CNTN5: variants seen among roughly 807,000 people sequenced by gnomAD.
The protein encoded by CNTN5 is contactin-5.
CNTN5 carries 77 observed loss-of-function variants against 129.1 expected under a neutral mutation model. That is an observed-to-expected ratio of 0.60 (90% CI 0.50 to 0.72). CNTN5 has a LOEUF of 0.72. Ranked by LOEUF, CNTN5 falls within the 30% of genes least tolerant of loss-of-function variation. CNTN5 has a pLI of 0.00. For synonymous variants in CNTN5, 509 were observed against 465.6 expected (o/e 1.09, Z -1.20); for missense variants, 1,478 against 1,328.8 (o/e 1.11, Z -1.75).
In CNTN5 at chr11:100,356,545, C is replaced by T. The variant is rs1010777864; in HGVS notation, c.*325C>T. The T allele has an allele frequency of 7.4e-6, 2 of 269,044 alleles. No homozygotes were observed. Among genetic ancestry groups the T allele is most frequent in the African/African-American group, 4.5e-5 (2 of 44,578 alleles). 16.7% of individuals were successfully genotyped at this position (269,044 alleles called of 1,614,324 possible). ...TGGGATTTTATTTTATATCTGATGA[C>T]TCCGAGTGTGTGCCATCCATTTGTT... is the stretch of plus-strand genomic sequence containing the variant. On this transcript the variant is annotated 3_prime_UTR_variant, in exon 25 of 25. Coordinates refer to ENST00000524871, the MANE Select transcript of CNTN5 (RefSeq NM_014361.4).
intron 7 of CNTN5, among the ~76,000 whole-genome samples, chr11:99,945,296 A>G (rs578196621): frequency 3.2e-4 from 49 of 152,182 alleles, no homozygotes; most frequent in Admixed American, 5.2e-4. Flanking sequence ...GTTCTGCATA[A>G]TGGATAATTT....
intron 3 of CNTN5, among the ~76,000 whole-genome samples, chr11:99,628,627 C>CACAT (rs1555053350): frequency 2.6e-5 from 4 of 151,282 alleles, no homozygotes; most frequent in African/African-American, 9.7e-5. Flanking sequence ...CACACACACA[C>CACAT]ACACACACAC....
At chr11:99,418,324 A>C (rs1440500315) in intron 2 of CNTN5, among the ~76,000 whole-genome samples, 3 of 152,162 alleles carry the variant, frequency 2.0e-5, no homozygotes, top group Non-Finnish European at 4.4e-5. Context: ...GTGGAAAATA[A>C]ATTATGTGAA....
intron 1 of CNTN5, among the ~76,000 whole-genome samples, chr11:99,174,366 T>G (rs796441542): frequency 1.3e-4 from 20 of 152,308 alleles, no homozygotes; most frequent in African/African-American, 4.6e-4. Context: ...TAGACTTGGT[T>G]ATATCATTAG....
chr11:99,932,826 C>T (rs1376413567), intron 7 of CNTN5, among the ~76,000 whole-genome samples: 1 of 152,186 alleles, frequency 6.6e-6, no homozygotes, highest in Non-Finnish European at 1.5e-5. Flanking sequence ...ATTCTTCTCT[C>T]CTGGCCCCCT....
At chr11:99,279,316 T>G (rs1377731031) in intron 1 of CNTN5, among the ~76,000 whole-genome samples, 1 of 151,862 alleles carries the variant, frequency 6.6e-6, no homozygotes, top group Non-Finnish European at 1.5e-5. Context: ...TAAGACACTT[T>G]CTTTTCATTA....
chr11:99,890,223 CA>C (rs1375123285), intron 6 of CNTN5, among the ~76,000 whole-genome samples: 1 of 152,076 alleles, frequency 6.6e-6, no homozygotes, highest in East Asian at 1.9e-4. Context: ...TGGGATATGT[CA>C]ACAGGAGCCA....
intron 2 of CNTN5, among the ~76,000 whole-genome samples, chr11:99,513,850 A>G (rs1417686974): frequency 6.6e-6 from 1 of 152,160 alleles, no homozygotes; most frequent in Non-Finnish European, 1.5e-5. Flanking sequence ...TGTTAGCAGA[A>G]TATCCATTCT....
At chr11:100,058,751 G>GA (rs34452057) in intron 9 of CNTN5, among the ~76,000 whole-genome samples, 22,346 of 151,984 alleles carry the variant, frequency 0.15, 1,692 homozygotes, top group Non-Finnish European at 0.16. Flanking sequence ...CACTCCTTAG[G>GA]AAAAAATAAT....
chr11:99,957,579 T>C (rs913569669), intron 8 of CNTN5, among the ~76,000 whole-genome samples: 51 of 152,300 alleles, frequency 3.3e-4, no homozygotes, highest in African/African-American at 1.2e-3. Flanking sequence ...TCATTTGTAT[T>C]TATAGACATG....
At chr11:99,396,417 A>G (rs943473977) in intron 2 of CNTN5, among the ~76,000 whole-genome samples, 8 of 151,646 alleles carry the variant, frequency 5.3e-5, no homozygotes, top group African/African-American at 1.9e-4. Context: ...TACAAGCATA[A>G]TAAAAAATTA....
chr11:99,345,554 G>T (rs886569223), intron 2 of CNTN5, among the ~76,000 whole-genome samples: 2 of 152,120 alleles, frequency 1.3e-5, no homozygotes, highest in African/African-American at 4.8e-5. Flanking sequence ...TTACAAAAAA[G>T]GAATATGAGG....
At chr11:99,615,258 T>C (rs1233701255) in intron 3 of CNTN5, among the ~76,000 whole-genome samples, 1 of 152,038 alleles carries the variant, frequency 6.6e-6, no homozygotes, top group Non-Finnish European at 1.5e-5. Flanking sequence ...TCATTTGTTA[T>C]TGGGCTCTAA....
At chr11:99,067,027 G>A (rs964354601) in intron 1 of CNTN5, among the ~76,000 whole-genome samples, 14 of 152,086 alleles carry the variant, frequency 9.2e-5, no homozygotes, top group African/African-American at 3.4e-4. Flanking sequence ...AGCTCCCTTA[G>A]CCTTCTTCCC....
chr11:100,002,233 A>C (rs538394212), intron 9 of CNTN5, 97 bp downstream of exon 9: 2 of 740,110 alleles, frequency 2.7e-6, no homozygotes, highest in Non-Finnish European at 4.1e-6. Context: ...TCATTTCCCC[A>C]GTTGTTCCAT....
intron 1 of CNTN5, among the ~76,000 whole-genome samples, chr11:99,315,777 C>T (rs546519265): frequency 6.7e-6 from 1 of 148,780 alleles, no homozygotes; most frequent in South Asian, 2.1e-4. Context: ...TAGAAGGTGA[C>T]AGGGATTACA....
At chr11:99,887,514 A>G (rs1272445993) in intron 6 of CNTN5, among the ~76,000 whole-genome samples, 2 of 152,194 alleles carry the variant, frequency 1.3e-5, no homozygotes, top group Admixed American at 6.5e-5. Flanking sequence ...GTATATATGA[A>G]GGGGAGTTTA....
intron 1 of CNTN5, among the ~76,000 whole-genome samples, chr11:99,233,027 G>A (rs1250535117): frequency 1.3e-5 from 2 of 152,158 alleles, no homozygotes; most frequent in Admixed American, 6.5e-5. Context: ...CCGAGGAGAG[G>A]TTAGTAGAAA....
At chr11:99,311,867 A>C (rs1020423870) in intron 1 of CNTN5, among the ~76,000 whole-genome samples, 1 of 152,142 alleles carries the variant, frequency 6.6e-6, no homozygotes, top group Non-Finnish European at 1.5e-5. Context: ...ATTTTCTTTC[A>C]GTTGTTTCTC....
Sources: gnomAD v4.1 joint callset for allele counts (sites outside exome capture counted in the v4.1 genomes callset) on GRCh38, gnomAD v4.1.1 for gene constraint, MANE v1.5 for transcripts, NCBI Gene and HGNC (gene_info 2026-07-23, HGNC 2026-07-21) for gene names.